Variants in AGO1 observed in about 807,000 individuals in gnomAD.
AGO1 encodes protein argonaute-1.
A neutral mutation model predicts 109.2 loss-of-function variants in AGO1; 11 were observed. The ratio of observed to expected loss-of-function variants is 0.10; its 90% confidence interval spans 0.06 to 0.17. AGO1 has a LOEUF of 0.17. Among genes scored for constraint, AGO1 ranks in the 10% least tolerant of loss-of-function variants. AGO1 has a pLI of 1.00. For missense variants in AGO1, 574 were observed against 1,140.3 expected (o/e 0.50, Z 7.15); for synonymous variants, 422 against 418.6 (o/e 1.01, Z -0.10).
rs920339228 is a variant in AGO1, at chr1:35,923,563, C to T, written c.*3956C>T. On this transcript the variant is annotated 3_prime_UTR_variant, in exon 19 of 19. Transcript: ENST00000373204. ...GGATGGTAGCTGGAATACCTTCCTT[C>T]TTAAAATCTGATCATGGCAGGGATA... The T allele has an allele frequency of 1.3e-5, 2 of 152,606 alleles. No homozygotes were observed. Among genetic ancestry groups the T allele is most frequent in the Admixed American group, 1.3e-4 (2 of 15,286 alleles). The allele number at this position is 152,606 out of a possible 1,614,324, so 9.5% of individuals were successfully genotyped here. A position where few individuals can be genotyped will look rare whatever the true frequency, so the allele number is the denominator to read the frequency against.
intron 16 of AGO1, 38 bp from the exon 17 acceptor site, chr1:35,918,284 C>G: frequency 6.5e-7 from 1 of 1,532,940 alleles, no homozygotes; most frequent in African/African-American, 1.4e-5. Flanking sequence ...TAGGGCCAGG[C>G]AGGTCTTGGG....
chr1:35,901,683 C>A lies in AGO1; in HGVS notation c.1140+90C>A. On this transcript the variant is annotated intron_variant, in intron 9 of 18. Coordinates refer to ENST00000373204, the MANE Select transcript of AGO1 (RefSeq NM_012199.5). This position sits in a 1 kb window ranked among gnomAD's most constrained non-coding sequence, Gnocchi z 4.8. ...CAGCAGGACCTTCCTTCAGGAGAAC[C>A]CAAGTCTAGATTTGTTGCCTAGGAC... The A allele has an allele frequency of 6.3e-7, 1 of 1,590,312 alleles. No individual in the cohort carries two copies. The highest frequency in any genetic ancestry group is 8.6e-7 in the Non-Finnish European group (1 of 1,165,624).
intron 1 of AGO1, among the ~76,000 whole-genome samples, chr1:35,876,058 T>G (rs901201719): frequency 1.1e-4 from 16 of 152,074 alleles, no homozygotes; most frequent in African/African-American, 3.9e-4. Flanking sequence ...GGTCCAAATA[T>G]CAACAAAAAT....
At position 35,928,146 on chromosome 1, in the gene AGO1, A is replaced by T. The variant is rs1645965170; in HGVS notation, c.*8539A>T. 2 of 152,232 alleles carry T rather than the reference A, an allele frequency of 1.3e-5. No homozygotes were observed. The highest frequency in any genetic ancestry group is 2.9e-5 in the Non-Finnish European group (2 of 68,040). 9.4% of individuals were successfully genotyped at this position (152,232 alleles called of 1,614,324 possible). On this transcript the variant is annotated 3_prime_UTR_variant, in exon 19 of 19. Transcript: ENST00000373204. ...CTTACTGGGCAGGGACATGACACTT[A>T]AAGCGGCAGCTGGCCACTCTGTCTT...
chr1:35,915,285 AAC>A (rs1023432017), intron 14 of AGO1, 61 bp from the exon 15 acceptor site: 7 of 1,492,684 alleles, frequency 4.7e-6, no homozygotes, highest in Non-Finnish European at 6.5e-6. Flanking sequence ...CCTTTCCACA[AAC>A]CCATAGCCTG....
Position 35,915,475 on chromosome 1 carries a change from C to G in AGO1, c.1961C>G (p.Ser654Cys), listed in dbSNP as rs1645717324. 1.2e-6 allele frequency: 2 copies of G among 1,613,982 alleles called. No homozygotes were observed. Among genetic ancestry groups the G allele is most frequent in the East Asian group, 4.5e-5 (2 of 44,874 alleles). The change falls in exon 15 of 19, where the codon TCC (serine) becomes TGC (cysteine). Residue 654 changes from serine to cysteine, a missense_variant. Ser to Cys is a moderately radical substitution (Grantham distance 112). Transcript: ENST00000373204. ...VRELLIQFYKSTRFKPTRIIF... is the reference protein window; with the variant it reads ...VRELLIQFYKCTRFKPTRIIF... ...GAGCTCCTCATCCAATTCTACAAGT[C>G]CACCCGTTTCAAGCCTACCCGCATC... is the stretch of plus-strand genomic sequence containing the variant.
intron 2 of AGO1, among the ~76,000 whole-genome samples, chr1:35,890,344 T>C (rs2148709830): frequency 6.6e-6 from 1 of 152,350 alleles, no homozygotes; most frequent in South Asian, 2.1e-4. Flanking sequence ...TTCTTGAATA[T>C]GCTTCCAGAT....
intron 1 of AGO1, among the ~76,000 whole-genome samples, chr1:35,870,978 A>T (rs1644945118): frequency 1.3e-5 from 2 of 152,164 alleles, no homozygotes. Context: ...TATCTGTTCT[A>T]TTATGGATGG....
At chr1:35,906,873 A>G in intron 11 of AGO1, 62 bp from the exon 12 acceptor site, 1 of 1,473,866 alleles carries the variant, frequency 6.8e-7, no homozygotes, top group Non-Finnish European at 9.3e-7. Context: ...AGATGGATGG[A>G]TTTTTGTCAG....
upstream of AGO1, among the ~76,000 whole-genome samples, chr1:35,878,395 T>G (rs534066965): frequency 6.6e-6 from 1 of 152,282 alleles, no homozygotes; most frequent in East Asian, 1.9e-4. Context: ...CCTTTTTAAT[T>G]TTTATAACAT....
In AGO1 at chr1:35,892,700, G is replaced by T. The variant is rs148786230; in HGVS notation, c.330+23G>T. 8.5e-4 allele frequency: 1,379 copies of T among 1,614,140 alleles called. 38 individuals carry two copies. The East Asian group carries it at 0.029, about 34-fold the overall frequency. ...CGGGTAAGGTTGGGAGTCAGGCTAG[G>T]CCTGTGTCAGGGGTCTGGGGTAGAA... On this transcript the variant is annotated intron_variant, in intron 3 of 18. Transcript: ENST00000373204.
chr1:35,904,370 A>C (rs1333681314), intron 11 of AGO1, among the ~76,000 whole-genome samples: 1 of 152,048 alleles, frequency 6.6e-6, no homozygotes, highest in East Asian at 1.9e-4. Flanking sequence ...CTTCCAAAGT[A>C]CTGGGATCAC....
intron 15 of AGO1, among the ~76,000 whole-genome samples, chr1:35,916,638 A>C (rs932530340): frequency 1.3e-5 from 2 of 152,158 alleles, no homozygotes; most frequent in African/African-American, 4.8e-5. Context: ...AAAGTGCTGG[A>C]AATACAGGCG....
intron 1 of AGO1, among the ~76,000 whole-genome samples, chr1:35,871,973 G>C (rs765001783): frequency 2.7e-5 from 4 of 150,766 alleles, no homozygotes; most frequent in Non-Finnish European, 4.4e-5. Flanking sequence ...GGGAGGCTGA[G>C]GCAGGAGAAT....
chr1:35,884,055 G>C (rs1256851644), intron 1 of AGO1, among the ~76,000 whole-genome samples: 5 of 152,328 alleles, frequency 3.3e-5, no homozygotes, highest in East Asian at 1.9e-4. Context: ...GACGTGGTGG[G>C]GGCGTGGCTG....
At position 35,883,448 on chromosome 1, in the gene AGO1, T is replaced by C; in HGVS notation, c.25+2T>C. 1 of 1,559,878 alleles carries C rather than the reference T, an allele frequency of 6.4e-7. No homozygotes were observed. The highest frequency in any genetic ancestry group is 8.6e-7 in the Non-Finnish European group (1 of 1,158,156). ...TGGAAGCGGGACCCTCGGGAGCAGGTAAGGGTCCCCAGGAGGGGGAACGGT... is the reference window on the plus strand; with the variant it reads ...TGGAAGCGGGACCCTCGGGAGCAGGCAAGGGTCCCCAGGAGGGGGAACGGT... On this transcript the variant is annotated splice_donor_variant, in intron 1 of 18. Coordinates refer to ENST00000373204, the MANE Select transcript of AGO1 (RefSeq NM_012199.5). LOFTEE classifies it high-confidence loss of function. The surrounding 1 kb of genome is among the most constrained non-coding windows in gnomAD (Gnocchi z 5.4).
upstream of AGO1, among the ~76,000 whole-genome samples, chr1:35,880,664 GT>G (rs1645028040): frequency 6.6e-6 from 1 of 152,050 alleles, no homozygotes; most frequent in Non-Finnish European, 1.5e-5. Context: ...GTTTCGTTTT[GT>G]TTTTTGTTTT....
At chr1:35,911,080 AT>A (rs902658769) in intron 12 of AGO1, among the ~76,000 whole-genome samples, 3 of 151,890 alleles carry the variant, frequency 2.0e-5, no homozygotes, top group African/African-American at 7.3e-5. Flanking sequence ...GAAAAAAAAA[AT>A]AATAATAATG....
At chr1:35,908,657 A>G (rs1645572686) in intron 12 of AGO1, among the ~76,000 whole-genome samples, 1 of 152,098 alleles carries the variant, frequency 6.6e-6, no homozygotes, top group African/African-American at 2.4e-5. Context: ...TGTCTTTACT[A>G]CTTCTGTATT....
Sources: gnomAD v4.1 joint callset for allele counts (sites outside exome capture counted in the v4.1 genomes callset) on GRCh38, gnomAD v4.1.1 for gene constraint, Gnocchi (gnomAD v3.1) non-coding constraint, MANE v1.5 for transcripts, NCBI Gene and HGNC (gene_info 2026-07-23, HGNC 2026-07-21) for gene names.